NDRG3: variants seen among roughly 807,000 people sequenced by gnomAD.
The protein encoded by NDRG3 is NDRG family member 3, also known as protein NDRG3.
In NDRG3, 23 loss-of-function variants were observed where a neutral mutation model predicts 57.2. The observed-to-expected ratio is 0.40, with a 90% CI of 0.29 to 0.57. The LOEUF (loss-of-function observed/expected upper bound fraction) is 0.57, where lower values mean the gene tolerates loss of function less well. Among genes scored for constraint, NDRG3 ranks in the 20% least tolerant of loss-of-function variants. NDRG3 has a pLI of 0.42. For synonymous variants in NDRG3, 132 were observed against 162.6 expected (o/e 0.81, Z 1.43); for missense variants, 384 against 457.3 (o/e 0.84, Z 1.46).
chr20:36,720,803 C>T (rs1984547306), intron 2 of NDRG3, among the ~76,000 whole-genome samples: 1 of 149,896 alleles, frequency 6.7e-6, no homozygotes, highest in African/African-American at 2.5e-5. Context: ...CAGAGTCTCA[C>T]TGAGTCACCC....
chr20:36,674,902 T>C (rs1980523853), intron 8 of NDRG3, among the ~76,000 whole-genome samples: 1 of 133,120 alleles, frequency 7.5e-6, no homozygotes, highest in Admixed American at 7.6e-5. Flanking sequence ...TTTTTTTTTT[T>C]TTTTTTTTTT....
intron 5 of NDRG3, 127 bp downstream of exon 5, chr20:36,687,365 T>C: frequency 8.6e-7 from 1 of 1,160,096 alleles, no homozygotes; most frequent in South Asian, 1.6e-5. Flanking sequence ...TGAGGATGGT[T>C]GGTCAATAAG....
At chr20:36,656,640 G>C in intron 13 of NDRG3, 108 bp from the exon 14 acceptor site, 1 of 1,218,968 alleles carries the variant, frequency 8.2e-7, no homozygotes, top group Non-Finnish European at 1.2e-6. Context: ...AGGTTTTAAT[G>C]TTTAACTGCA....
intron 1 of NDRG3, among the ~76,000 whole-genome samples, chr20:36,743,489 C>T (rs548897435): frequency 7.4e-5 from 11 of 148,176 alleles, no homozygotes; most frequent in East Asian, 2.0e-4. Flanking sequence ...AGCGAAACTC[C>T]GTCTCAAAAA....
intron 1 of NDRG3, among the ~76,000 whole-genome samples, chr20:36,733,169 AAAATATATATAT>A (rs1176292562): frequency 4.8e-5 from 1 of 20,976 alleles, no homozygotes; most frequent in African/African-American, 1.9e-4. Context: ...AAAAAAAAAA[AAAATATATATAT>A]ATATATATAT....
intron 1 of NDRG3, among the ~76,000 whole-genome samples, chr20:36,739,402 G>A (rs905600562): frequency 2.1e-5 from 3 of 139,932 alleles, no homozygotes; most frequent in South Asian, 4.6e-4. Context: ...AGCCGGGATC[G>A]CCCCACTGCA....
chr20:36,656,619 G>T (rs923701767), intron 13 of NDRG3, 87 bp from the exon 14 acceptor site: 1 of 1,436,412 alleles, frequency 7.0e-7, no homozygotes, highest in African/African-American at 1.4e-5. Flanking sequence ...AACAGAACAA[G>T]ATTGAATTCT....
At chr20:36,720,352 T>C (rs1984521477) in intron 2 of NDRG3, among the ~76,000 whole-genome samples, 10 of 151,862 alleles carry the variant, frequency 6.6e-5, no homozygotes, top group South Asian at 2.1e-4. Context: ...TTTGTATTTT[T>C]AGTAGAGATG....
chr20:36,685,830 A>G (rs1362151198), intron 5 of NDRG3, among the ~76,000 whole-genome samples: 2 of 152,168 alleles, frequency 1.3e-5, no homozygotes, highest in East Asian at 3.8e-4. Flanking sequence ...GCAACAGGGC[A>G]AAACCCTGTC....
intron 5 of NDRG3, among the ~76,000 whole-genome samples, chr20:36,686,944 C>G (rs557945950): frequency 1.1e-3 from 162 of 152,024 alleles, no homozygotes; most frequent in Non-Finnish European, 1.9e-3. Context: ...AGCCTCAATC[C>G]CCTGGGCTCA....
chr20:36,714,508 C>T (rs191186535), intron 2 of NDRG3, among the ~76,000 whole-genome samples: 2,524 of 148,464 alleles, frequency 0.017, 66 homozygotes, highest in African/African-American at 0.059. Flanking sequence ...ATAGCGCGAT[C>T]TCGACTCAGA....
intron 1 of NDRG3, among the ~76,000 whole-genome samples, chr20:36,722,567 C>T (rs958247972): frequency 2.0e-5 from 3 of 152,032 alleles, no homozygotes; most frequent in Admixed American, 6.6e-5. Context: ...GACTGGAAGA[C>T]GGATTAAGCG....
intron 5 of NDRG3, 137 bp downstream of exon 5, chr20:36,687,355 T>G: frequency 8.3e-6 from 9 of 1,085,932 alleles, no homozygotes; most frequent in Non-Finnish European, 1.2e-5. Flanking sequence ...AGAGAAAATA[T>G]GAGGATGGTT....
intron 15 of NDRG3, among the ~76,000 whole-genome samples, chr20:36,655,769 A>G (rs564981776): frequency 1.4e-4 from 21 of 152,276 alleles, no homozygotes; most frequent in Admixed American, 3.3e-4. Context: ...ACCCTTGGCA[A>G]TGTGCTTAGT....
At chr20:36,731,574 G>A (rs1009169552) in intron 1 of NDRG3, among the ~76,000 whole-genome samples, 3 of 152,062 alleles carry the variant, frequency 2.0e-5, no homozygotes, top group African/African-American at 4.8e-5. Context: ...TTGGGAGGCC[G>A]AGGCGAGTGG....
chr20:36,710,935 G>A (rs1163756434), intron 2 of NDRG3, among the ~76,000 whole-genome samples: 3 of 151,702 alleles, frequency 2.0e-5, no homozygotes, highest in Non-Finnish European at 2.9e-5. Context: ...GGCTGAGACG[G>A]CGCCACTGCA....
chr20:36,693,191 C>A (rs1174243143), intron 3 of NDRG3, among the ~76,000 whole-genome samples: 1 of 124,906 alleles, frequency 8.0e-6, no homozygotes, highest in Admixed American at 9.2e-5. Flanking sequence ...TATATATACA[C>A]ACACACATAT....
intron 2 of NDRG3, among the ~76,000 whole-genome samples, chr20:36,711,880 C>T (rs1446874329): frequency 6.6e-6 from 1 of 152,044 alleles, no homozygotes; most frequent in East Asian, 1.9e-4. Flanking sequence ...CCTGGGTTCA[C>T]GCCATTCTCC....
intron 7 of NDRG3, 87 bp from the exon 8 acceptor site, chr20:36,680,989 T>G: frequency 9.6e-7 from 1 of 1,045,464 alleles, no homozygotes; most frequent in Non-Finnish European, 1.5e-6. Context: ...CAATTCTTAC[T>G]TACATGCCTT....
Sources: gnomAD v4.1 joint callset for allele counts (sites outside exome capture counted in the v4.1 genomes callset) on GRCh38, gnomAD v4.1.1 for gene constraint, MANE v1.5 for transcripts, NCBI Gene and HGNC (gene_info 2026-07-23, HGNC 2026-07-21) for gene names.